Variants in TENM3 observed in about 807,000 individuals in gnomAD.
TENM3 encodes the protein teneurin-3.
TENM3 carries 63 observed loss-of-function variants against 255.1 expected under a neutral mutation model. The ratio of observed to expected loss-of-function variants is 0.25; its 90% confidence interval spans 0.20 to 0.30. The LOEUF (loss-of-function observed/expected upper bound fraction) is 0.30, where lower values mean the gene tolerates loss of function less well. Among genes scored for constraint, TENM3 ranks in the 10% least tolerant of loss-of-function variants. TENM3 has a pLI of 1.00. For synonymous variants in TENM3, 1,306 were observed against 1,322.3 expected (o/e 0.99, Z 0.27); for missense variants, 2,929 against 3,461.1 (o/e 0.85, Z 3.86).
intron 13 of TENM3, among the ~76,000 whole-genome samples, chr4:182,722,002 TA>T (rs1171764773): frequency 1.3e-5 from 2 of 152,182 alleles, no homozygotes; most frequent in African/African-American, 4.8e-5. Context: ...GGTGTTCACT[TA>T]TCTTTTAACT....
the TENM3 span, among the ~76,000 whole-genome samples, chr4:181,538,933 A>G: frequency 6.6e-6 from 1 of 152,206 alleles, no homozygotes; most frequent in African/African-American, 2.4e-5. Context: ...CACCAAACCA[A>G]CTGGCTTTTT....
chr4:182,552,380 T>C (rs1021642742), intron 3 of TENM3, among the ~76,000 whole-genome samples: 4 of 152,232 alleles, frequency 2.6e-5, no homozygotes, highest in African/African-American at 9.6e-5. Context: ...TTACTGAACA[T>C]CTCCTTATGT....
Position 182,653,792 on chromosome 4 carries a change from A to G in TENM3, c.1010A>G (p.Asn337Ser), listed in dbSNP as rs1753528715. 19 of 1,612,028 alleles carry G rather than the reference A, an allele frequency of 1.2e-5. No homozygotes were observed. Among genetic ancestry groups the G allele is most frequent in the Non-Finnish European group, 1.6e-5 (19 of 1,178,970 alleles). Residue 337 changes from asparagine (N) to serine (S), a missense_variant, in exon 6 of 28, where the codon AAC becomes AGC. Coordinates refer to ENST00000511685, the MANE Select transcript of TENM3 (RefSeq NM_001080477.4). ...YFIAMHLFGL[N>S]WQLQQTENDT... ...CCAGCAATGCATCTCTTTGGCCTCA[A>G]CTGGCAGCTACAGCAGACTGAAAAT...
At chr4:182,722,452 G>C (rs531990387) in intron 13 of TENM3, among the ~76,000 whole-genome samples, 3 of 152,276 alleles carry the variant, frequency 2.0e-5, no homozygotes, top group African/African-American at 7.2e-5. Flanking sequence ...CTGGGGATAC[G>C]ATAGTAGGGA....
At chr4:181,774,802 G>A in the TENM3 span, among the ~76,000 whole-genome samples, 6 of 99,656 alleles carry the variant, frequency 6.0e-5, no homozygotes, top group African/African-American at 2.8e-4. Flanking sequence ...TTTTTTGGCT[G>A]CATAAATGTC....
At chr4:181,894,747 C>A in the TENM3 span, among the ~76,000 whole-genome samples, 3 of 148,056 alleles carry the variant, frequency 2.0e-5, no homozygotes, top group South Asian at 2.1e-4. Flanking sequence ...AAAAAAAAAA[C>A]GGGGAAATTA....
intron 19 of TENM3, among the ~76,000 whole-genome samples, chr4:182,749,767 AAAAGTATGTGTGTTATGT>A (rs1762247605): frequency 6.6e-6 from 1 of 152,222 alleles, no homozygotes; most frequent in South Asian, 2.1e-4. Flanking sequence ...GAGAAGAAAA[AAAAGTATGTGTGTTATGT>A]ATACACATGA....
the TENM3 span, among the ~76,000 whole-genome samples, chr4:181,467,228 T>G: frequency 6.8e-6 from 1 of 146,946 alleles, no homozygotes; most frequent in Non-Finnish European, 1.5e-5. Flanking sequence ...CTCCCATGTT[T>G]AAGCAATTCT....
At chr4:182,650,889 A>AAAATAT (rs1281790163) in intron 5 of TENM3, among the ~76,000 whole-genome samples, 237 of 29,574 alleles carry the variant, frequency 8.0e-3, no homozygotes, top group Middle Eastern at 0.014. Flanking sequence ...AATAAAAAAA[A>AAAATAT]ATATATATAT....
chr4:182,214,242 A>G (rs1755282908), intron 1 of TENM3, among the ~76,000 whole-genome samples: 1 of 152,132 alleles, frequency 6.6e-6, no homozygotes, highest in African/African-American at 2.4e-5. Context: ...AGTTTTCACT[A>G]CCCCTTATGT....
intron 1 of TENM3, among the ~76,000 whole-genome samples, chr4:182,236,410 A>G (rs1286113863): frequency 6.6e-6 from 1 of 152,154 alleles, no homozygotes; most frequent in Non-Finnish European, 1.5e-5. Flanking sequence ...GGTTAAATAG[A>G]CCATCTGCCT....
the TENM3 span, among the ~76,000 whole-genome samples, chr4:181,641,698 AAT>A: frequency 1.6e-4 from 10 of 63,812 alleles, no homozygotes; most frequent in African/African-American, 3.6e-4. Context: ...TATAATGTAT[AAT>A]ATATATATTA....
intron 12 of TENM3, among the ~76,000 whole-genome samples, chr4:182,702,769 G>A (rs1043932706): frequency 1.3e-5 from 2 of 151,234 alleles, no homozygotes; most frequent in Non-Finnish European, 2.9e-5. Flanking sequence ...ACGGCGTCTG[G>A]CTCTGTCGCC....
chr4:182,006,756 G>A, the TENM3 span, among the ~76,000 whole-genome samples: 8 of 150,918 alleles, frequency 5.3e-5, no homozygotes, highest in African/African-American at 9.7e-5. Context: ...CTTAGTTATC[G>A]TATCTTCTGC....
At chr4:182,699,019 G>C (rs537842111) in intron 12 of TENM3, among the ~76,000 whole-genome samples, 2 of 152,210 alleles carry the variant, frequency 1.3e-5, no homozygotes, top group African/African-American at 2.4e-5. Flanking sequence ...AGGATGAGAA[G>C]TTAGAATTCT....
chr4:182,710,022 G>T (rs1004232207), intron 12 of TENM3, among the ~76,000 whole-genome samples: 1 of 152,088 alleles, frequency 6.6e-6, no homozygotes, highest in Non-Finnish European at 1.5e-5. Flanking sequence ...TGATTCTGTT[G>T]GCAAAAATAA....
chr4:181,780,416 T>C, the TENM3 span, among the ~76,000 whole-genome samples: 1 of 152,248 alleles, frequency 6.6e-6, no homozygotes, highest in Non-Finnish European at 1.5e-5. Context: ...CATGTGTCTC[T>C]TGGCTGCATA....
At chr4:182,237,375 C>CTTTTTTTTTTTTT (rs57257112) in intron 1 of TENM3, among the ~76,000 whole-genome samples, 1 of 148,132 alleles carries the variant, frequency 6.8e-6, no homozygotes, top group African/African-American at 2.5e-5. Context: ...ATTCTGTTTT[C>CTTTTTTTTTTTTT]TTTTTTTTGA....
intron 1 of TENM3, among the ~76,000 whole-genome samples, chr4:182,277,945 C>A (rs1345986019): frequency 1.3e-5 from 2 of 152,148 alleles, no homozygotes; most frequent in African/African-American, 4.8e-5. Flanking sequence ...CTGGTGGGAC[C>A]CACTCCCTAC....
Sources: gnomAD v4.1 joint callset for allele counts (sites outside exome capture counted in the v4.1 genomes callset) on GRCh38, gnomAD v4.1.1 for gene constraint, MANE v1.5 for transcripts, NCBI Gene and HGNC (gene_info 2026-07-23, HGNC 2026-07-21) for gene names.